UTRN: variants seen among roughly 807,000 people sequenced by gnomAD.
UTRN encodes utrophin.
UTRN carries 283 observed loss-of-function variants against 463.9 expected under a neutral mutation model. That is an observed-to-expected ratio of 0.61 (90% confidence interval 0.55 to 0.67). The LOEUF (loss-of-function observed/expected upper bound fraction) is 0.67. UTRN is among the 30% of genes least tolerant of loss of function. UTRN has a pLI of 0.00. For synonymous variants in UTRN, 1,442 were observed against 1,431.5 expected (o/e 1.01, Z -0.17); for missense variants, 3,922 against 4,084.3 (o/e 0.96, Z 1.08).
At chr6:144,428,384 G>A (rs796557584) in intron 7 of UTRN, among the ~76,000 whole-genome samples, 16 of 148,318 alleles carry the variant, frequency 1.1e-4, no homozygotes, top group African/African-American at 3.2e-4. Flanking sequence ...CATTTTTACC[G>A]CATAGTGTGA....
chr6:144,379,528 A>G (rs1780734262), intron 2 of UTRN, among the ~76,000 whole-genome samples: 1 of 152,184 alleles, frequency 6.6e-6, no homozygotes, highest in Non-Finnish European at 1.5e-5. Flanking sequence ...TCTTCATGAC[A>G]TGGCTGTGAG....
chr6:144,782,300 A>G (rs527899770), intron 61 of UTRN, among the ~76,000 whole-genome samples, 177 bp downstream of exon 61: 7 of 152,306 alleles, frequency 4.6e-5, no homozygotes, highest in Non-Finnish European at 7.4e-5. Context: ...TTCTTAACAA[A>G]CAATAGAACA....
chr6:144,648,925 TTTAAC>T (rs972021560), intron 51 of UTRN, among the ~76,000 whole-genome samples: 20 of 152,192 alleles, frequency 1.3e-4, no homozygotes, highest in Non-Finnish European at 2.4e-4. Context: ...AACAAATAAA[TTTAAC>T]TTTTTTCTTC....
chr6:144,721,601 A>G (rs2128709106), intron 53 of UTRN, among the ~76,000 whole-genome samples: 1 of 152,082 alleles, frequency 6.6e-6, no homozygotes, highest in Non-Finnish European at 1.5e-5. Flanking sequence ...ACTTTATACA[A>G]TTTGTCTGGG....
At position 144,479,890 on chromosome 6, in the gene UTRN, G is replaced by C; in HGVS notation, c.3415G>C (p.Glu1139Gln). 1 of 1,614,216 alleles carries C rather than the reference G, an allele frequency of 6.2e-7. No individual in the cohort carries two copies. Among genetic ancestry groups the C allele is most frequent in the Non-Finnish European group, 8.5e-7 (1 of 1,180,036 alleles). The part of the protein sequence containing the change: ...NLKKDLAEMQ[E>Q]WMTQAEEEYL... The stretch of plus-strand genomic sequence containing the variant: ...GAAGAAAGACTTGGCAGAGATGCAG[G>C]AATGGATGACCCAGGCCGAGGAAGA... The change falls in exon 26 of 75, where the codon GAA becomes CAA. Residue 1139 changes from glutamate (E) to glutamine (Q), a missense_variant. By Grantham distance (29) the Glu-to-Gln change is conservative. This residue lies in a region of UTRN where 2,349 missense variants were observed against 2,303.8 expected (regional missense o/e 1.02). Coordinates refer to ENST00000367545, the MANE Select transcript of UTRN (RefSeq NM_007124.3).
intron 33 of UTRN, among the ~76,000 whole-genome samples, chr6:144,496,864 C>T (rs1793697220): frequency 6.6e-6 from 1 of 152,016 alleles, no homozygotes; most frequent in South Asian, 2.1e-4. Flanking sequence ...GTAGGAGTAA[C>T]CTGGGTGAAA....
At chr6:144,457,620 C>G (rs1205412379) in intron 19 of UTRN, among the ~76,000 whole-genome samples, 1 of 152,168 alleles carries the variant, frequency 6.6e-6, no homozygotes, top group Non-Finnish European at 1.5e-5. Context: ...CTCATATTCT[C>G]TTACCTGAGA....
chr6:144,474,875 TC>T, intron 25 of UTRN, 116 bp downstream of exon 25: 1 of 1,220,568 alleles, frequency 8.2e-7, no homozygotes, highest in Non-Finnish European at 1.1e-6. Flanking sequence ...CTAGAATAAC[TC>T]CAGCATGGGT....
At chr6:144,541,661 G>A (rs568761854) in intron 45 of UTRN, among the ~76,000 whole-genome samples, 9 of 152,234 alleles carry the variant, frequency 5.9e-5, no homozygotes, top group South Asian at 4.2e-4. Context: ...TAAGAGATAG[G>A]AATGCATTAA....
At chr6:144,471,242 G>A (rs1258268258) in intron 23 of UTRN, among the ~76,000 whole-genome samples, 3 of 152,082 alleles carry the variant, frequency 2.0e-5, no homozygotes, top group Admixed American at 2.0e-4. Flanking sequence ...AGGGAAGGCT[G>A]TTGAGGCCAT....
intron 73 of UTRN, among the ~76,000 whole-genome samples, chr6:144,843,320 T>G (rs1295161179): frequency 6.6e-6 from 1 of 152,048 alleles, no homozygotes; most frequent in Non-Finnish European, 1.5e-5. Context: ...ATTAAAAATT[T>G]TATTCTAAAA....
chr6:144,682,223 A>T (rs1782277936), intron 52 of UTRN, among the ~76,000 whole-genome samples: 1 of 152,028 alleles, frequency 6.6e-6, no homozygotes. Context: ...TGATTTTTAG[A>T]TCCCCAAAAT....
intron 1 of UTRN, among the ~76,000 whole-genome samples, chr6:144,291,302 G>T (rs1430214827): frequency 4.6e-5 from 7 of 152,164 alleles, no homozygotes; most frequent in Non-Finnish European, 8.8e-5. Flanking sequence ...ACTGCTCCAT[G>T]ATTCTTTCTG....
In UTRN at chr6:144,523,025, G is replaced by A. The variant is rs1276459190; in HGVS notation, c.5743G>A (p.Asp1915Asn). The change falls in exon 41 of 75, where the codon GAC becomes AAC. Residue 1915 changes from aspartate (D) to asparagine (N), a missense_variant. Physicochemically the swap from Asp to Asn is conservative, Grantham distance 23 (BLOSUM62 1). Coordinates refer to ENST00000367545, the MANE Select transcript of UTRN (RefSeq NM_007124.3). ...FQEDSLKNIKDQLDKLGEQIA... is the reference protein window; with the variant it reads ...FQEDSLKNIKNQLDKLGEQIA... ...GACAATATATTTTTAGAATATCAAA[G>A]ACCAACTGGACAAACTTGGAGAGCA... 1.9e-6 allele frequency: 3 copies of A among 1,594,046 alleles called. No homozygotes were observed. The highest frequency in any genetic ancestry group is 2.6e-6 in the Non-Finnish European group (3 of 1,172,450).
chr6:144,589,374 T>A (rs1390098568), intron 51 of UTRN, among the ~76,000 whole-genome samples: 4 of 152,190 alleles, frequency 2.6e-5, no homozygotes, highest in African/African-American at 9.6e-5. Flanking sequence ...TTAACAATAT[T>A]ATATTATCTT....
chr6:144,754,502 G>C (rs1333758112), intron 56 of UTRN, among the ~76,000 whole-genome samples: 2 of 131,056 alleles, frequency 1.5e-5, no homozygotes, highest in Admixed American at 7.6e-5. Flanking sequence ...ACCTGGCACT[G>C]TTTACTATTA....
At chr6:144,598,779 A>C (rs1803924998) in intron 51 of UTRN, among the ~76,000 whole-genome samples, 1 of 152,132 alleles carries the variant, frequency 6.6e-6, no homozygotes, top group Non-Finnish European at 1.5e-5. Context: ...AATTCCAAAG[A>C]GAGGAAGTTA....
chr6:144,819,743 G>T (rs1336780474), intron 65 of UTRN, among the ~76,000 whole-genome samples: 1 of 152,092 alleles, frequency 6.6e-6, no homozygotes, highest in Non-Finnish European at 1.5e-5. Context: ...GTGAGTCCTG[G>T]GCATGCATGT....
chr6:144,402,411 T>C (rs1227603229), intron 2 of UTRN, among the ~76,000 whole-genome samples: 1 of 152,226 alleles, frequency 6.6e-6, no homozygotes, highest in Non-Finnish European at 1.5e-5. Flanking sequence ...ACTCCTTGTA[T>C]GTAACCAAAT....
Sources: gnomAD v4.1 joint callset for allele counts (sites outside exome capture counted in the v4.1 genomes callset) on GRCh38, gnomAD v4.1.1 for gene constraint, gnomAD v4.1.1 regional missense constraint, MANE v1.5 for transcripts, NCBI Gene and HGNC (gene_info 2026-07-23, HGNC 2026-07-21) for gene names.